Variants in CADPS observed in about 807,000 individuals in gnomAD.
CADPS encodes calcium dependent secretion activator.
A neutral mutation model predicts 167.3 loss-of-function variants in CADPS; 57 were observed. The ratio of observed to expected loss-of-function variants is 0.34; its 90% CI spans 0.28 to 0.42. CADPS has a LOEUF of 0.42. CADPS is among the 20% of genes least tolerant of loss of function. The pLI, the probability that CADPS is intolerant of heterozygous loss-of-function variation, is 1.00. For missense variants in CADPS, 1,414 were observed against 1,738.1 expected (o/e 0.81, Z 3.32); for synonymous variants, 676 against 635.3 (o/e 1.06, Z -0.96).
At chr3:62,799,921 T>C (rs561138424) in intron 1 of CADPS, among the ~76,000 whole-genome samples, 9 of 152,332 alleles carry the variant, frequency 5.9e-5, no homozygotes, top group East Asian at 5.8e-4. Context: ...AAAGTAGAGA[T>C]AGAGCTTCTC....
intron 1 of CADPS, among the ~76,000 whole-genome samples, chr3:62,849,421 G>T (rs1311973729): frequency 8.5e-6 from 1 of 117,780 alleles, no homozygotes; most frequent in Non-Finnish European, 1.8e-5. Flanking sequence ...GTTTGTCATA[G>T]ATAGCTCTTA....
rs1411507904 is a variant in CADPS at position 62,446,378 on chromosome 3, C to T, written c.3637-581G>A. 6.6e-6 allele frequency among the ~76,000 whole-genome samples: 1 copy of T among 152,030 alleles called. No homozygotes were observed. The highest frequency in any genetic ancestry group is 1.5e-5 in the Non-Finnish European group (1 of 68,020). On this transcript the variant is annotated intron_variant, in intron 26 of 29. Coordinates refer to ENST00000383710, the MANE Select transcript of CADPS (RefSeq NM_003716.4). The surrounding 1 kb of genome is among the most constrained non-coding windows in gnomAD (Gnocchi z 4.9). Reference sequence around the variant, plus strand: ...TGCTAAAAATTCCAGATGGGAAGTGCAGGAAGTGGTTATAAAATTTTTAGT... The same window carrying T: ...TGCTAAAAATTCCAGATGGGAAGTGTAGGAAGTGGTTATAAAATTTTTAGT...
At chr3:62,493,525 G>T (rs1576786158) in intron 19 of CADPS, 120 bp downstream of exon 19, 2 of 693,764 alleles carry the variant, frequency 2.9e-6, no homozygotes, top group Non-Finnish European at 4.8e-6. Flanking sequence ...AAATGAAAGG[G>T]TTTGTTCAAT....
At chr3:62,764,720 G>T (rs1359880176) in intron 2 of CADPS, among the ~76,000 whole-genome samples, 2 of 152,132 alleles carry the variant, frequency 1.3e-5, no homozygotes, top group Non-Finnish European at 2.9e-5. Flanking sequence ...ATCTGTTGTG[G>T]GCTGAATCAG....
chr3:62,849,243 C>G (rs1007192263), intron 1 of CADPS, among the ~76,000 whole-genome samples: 2 of 149,446 alleles, frequency 1.3e-5, no homozygotes, highest in Non-Finnish European at 3.0e-5. Context: ...TTGACTTCCT[C>G]TTTTCCTAAT....
At chr3:62,721,105 C>T (rs2075707344) in intron 3 of CADPS, among the ~76,000 whole-genome samples, 1 of 120,708 alleles carries the variant, frequency 8.3e-6, no homozygotes, top group East Asian at 2.0e-4. Context: ...GTGTGAGCCA[C>T]CGTGCCCGGC....
At position 62,662,298 on chromosome 3, in the gene CADPS, CA is replaced by C. The variant is rs746739503; in HGVS notation, c.969+15del. 20 of 1,610,364 alleles carry C rather than the reference CA, an allele frequency of 1.2e-5. No individual in the cohort carries two copies. The highest frequency in any genetic ancestry group is 1.7e-5 in the Non-Finnish European group (20 of 1,176,822). On this transcript the variant is annotated intron_variant, in intron 4 of 29. Coordinates refer to ENST00000383710, the MANE Select transcript of CADPS (RefSeq NM_003716.4). ...TTTGGCCTGGACCCCAGCAAACAAC[CA>C]CAATGTTTCCTTACCCTGGCTATTT... is the stretch of plus-strand genomic sequence containing the variant.
intron 3 of CADPS, among the ~76,000 whole-genome samples, chr3:62,680,167 G>T (rs1399910981): frequency 1.3e-5 from 2 of 152,020 alleles, no homozygotes; most frequent in Non-Finnish European, 2.9e-5. Context: ...TGCAGAAATT[G>T]TCCAGGTGAG....
intron 3 of CADPS, among the ~76,000 whole-genome samples, chr3:62,664,474 C>G (rs2074032169): frequency 6.6e-6 from 1 of 152,244 alleles, no homozygotes. Context: ...CAGGCACACA[C>G]ACGTGGGAAA....
intron 9 of CADPS, among the ~76,000 whole-genome samples, chr3:62,567,364 A>C (rs1337435567): frequency 6.6e-6 from 1 of 151,784 alleles, no homozygotes; most frequent in Non-Finnish European, 1.5e-5. Flanking sequence ...TTTGCCAGAC[A>C]CTGGGCTAGG....
In CADPS at chr3:62,875,211, G is replaced by T; in HGVS notation, c.-182C>A. ...ATCCTCTGCCCGGCGGTCGCGAGCT[G>T]GGCTCAGACCCAGAAGCGCGAAGGG... On this transcript the variant is annotated 5_prime_UTR_variant, in exon 1 of 30. Coordinates refer to ENST00000383710, the MANE Select transcript of CADPS (RefSeq NM_003716.4). 1 of 764,606 alleles carries T rather than the reference G, an allele frequency of 1.3e-6. No homozygotes were observed. Among genetic ancestry groups the T allele is most frequent in the Non-Finnish European group, 1.8e-6 (1 of 559,640 alleles). The allele number at this position is 764,606 out of a possible 1,614,324, so 47.4% of individuals were successfully genotyped here. A position where few individuals can be genotyped will look rare whatever the true frequency, so the allele number is the denominator to read the frequency against.
chr3:62,693,903 C>G (rs2079726878), intron 3 of CADPS, among the ~76,000 whole-genome samples: 1 of 152,084 alleles, frequency 6.6e-6, no homozygotes, highest in Non-Finnish European at 1.5e-5. Context: ...TTATGTTCAT[C>G]AGTTCTAACC....
chr3:62,805,311 G>A (rs991408323), intron 1 of CADPS, among the ~76,000 whole-genome samples: 8 of 152,068 alleles, frequency 5.3e-5, no homozygotes, highest in South Asian at 2.1e-4. Context: ...TCTCAGTTAC[G>A]CCTCAAAGGC....
In CADPS at chr3:62,549,925, C is replaced by G; in HGVS notation, c.1944G>C (p.Leu648=). Reference sequence around the variant, plus strand: ...TACAAAATTGAGAGATAGGGGCATCCAGCTGAGGTACATTTCCTCCCTTGG... The same window carrying G: ...TACAAAATTGAGAGATAGGGGCATCGAGCTGAGGTACATTTCCTCCCTTGG... ...LNAKGGNVPQ[L]DAPISQFYAD... Residue 648 remains leucine (L), a synonymous_variant, in exon 11 of 30, where the codon CTG becomes CTC. Transcript: ENST00000383710. 6.2e-7 allele frequency: 1 copy of G among 1,613,970 alleles called. No homozygotes were observed. The highest frequency in any genetic ancestry group is 8.5e-7 in the Non-Finnish European group (1 of 1,179,902).
intron 11 of CADPS, among the ~76,000 whole-genome samples, chr3:62,545,518 CA>C (rs956360240): frequency 2.0e-5 from 3 of 151,954 alleles, no homozygotes; most frequent in African/African-American, 4.8e-5. Context: ...ATGACACACA[CA>C]AAAAAACTAC....
At chr3:62,791,370 T>C (rs2092930380) in intron 1 of CADPS, among the ~76,000 whole-genome samples, 2 of 152,204 alleles carry the variant, frequency 1.3e-5, no homozygotes, top group South Asian at 4.1e-4. Flanking sequence ...GACTACCATA[T>C]TGTGCAGCTC....
intron 1 of CADPS, among the ~76,000 whole-genome samples, chr3:62,787,879 G>C (rs551332867): frequency 6.6e-6 from 1 of 152,034 alleles, no homozygotes; most frequent in Non-Finnish European, 1.5e-5. Flanking sequence ...AAAATGTTAG[G>C]TACTATTACG....
chr3:62,747,809 G>C (rs1012470753), intron 3 of CADPS, among the ~76,000 whole-genome samples: 2 of 152,098 alleles, frequency 1.3e-5, no homozygotes, highest in Non-Finnish European at 2.9e-5. Flanking sequence ...TATCCCTGCT[G>C]CCAGTTGGGC....
intron 6 of CADPS, among the ~76,000 whole-genome samples, chr3:62,593,329 C>G (rs2086494812): frequency 6.6e-6 from 1 of 152,196 alleles, no homozygotes; most frequent in Non-Finnish European, 1.5e-5. Flanking sequence ...ATTCCCTGCT[C>G]ATAGTTTGTG....
Sources: allele counts gnomAD v4.1 joint callset (sites outside exome capture counted in the v4.1 genomes callset), GRCh38; gene constraint gnomAD v4.1.1; non-coding constraint Gnocchi (gnomAD v3.1); transcripts MANE v1.5; gene names NCBI Gene and HGNC (gene_info 2026-07-23, HGNC 2026-07-21).